The following RAB30 variants were observed in gnomAD, a reference collection of about 807,000 sequenced individuals.
RAB30 encodes RAB30, member RAS oncogene family, also known as ras-related protein Rab-30.
Under a neutral mutation model 25.1 loss-of-function variants are expected in RAB30, and 9 were observed. The ratio of observed to expected loss-of-function variants is 0.36; its 90% CI spans 0.22 to 0.63. The LOEUF is 0.63. Among genes scored for constraint, RAB30 ranks in the 20% least tolerant of loss-of-function variants. RAB30 has a pLI of 0.69. For synonymous variants in RAB30, 77 were observed against 86.4 expected (o/e 0.89, Z 0.60); for missense variants, 140 against 243.5 (o/e 0.58, Z 2.83).
intron 3 of RAB30, among the ~76,000 whole-genome samples, chr11:82,990,719 T>A (rs1490255952): frequency 6.6e-6 from 1 of 152,360 alleles, no homozygotes; most frequent in Admixed American, 6.5e-5. Flanking sequence ...TACTCATTAA[T>A]TTATAATAGA....
At chr11:83,045,259 A>G (rs1328769109) in intron 1 of RAB30, among the ~76,000 whole-genome samples, 1 of 152,084 alleles carries the variant, frequency 6.6e-6, no homozygotes, top group African/African-American at 2.4e-5. Context: ...CAGCCTCCCA[A>G]GCAACTGAAA....
At chr11:83,064,012 C>T (rs1465407531) in intron 1 of RAB30, among the ~76,000 whole-genome samples, 1 of 152,178 alleles carries the variant, frequency 6.6e-6, no homozygotes, top group African/African-American at 2.4e-5. Flanking sequence ...GAAGAATACA[C>T]ATCAAAATCT....
chr11:83,041,193 C>CT (rs5793048), intron 1 of RAB30: 32,085 of 149,396 alleles, frequency 0.21, 3,980 homozygotes, highest in Admixed American at 0.28. Context: ...GAAACTCTGT[C>CT]TCAAAAAAAA....
At chr11:83,031,876 G>A (rs1001115122) in intron 1 of RAB30, among the ~76,000 whole-genome samples, 3 of 152,148 alleles carry the variant, frequency 2.0e-5, no homozygotes, top group African/African-American at 4.8e-5. Context: ...AAACTTAGTC[G>A]AGGTTCTTTT....
chr11:83,001,042 G>A lies in RAB30; in HGVS notation c.-8-3718C>T, dbSNP rs1857070788. Among the ~76,000 whole-genome samples the A allele has an allele frequency of 3.8e-5, 3 of 78,800 alleles. No individual in the cohort carries two copies. The South Asian group carries it at 1.5e-3, about 40-fold the overall frequency. The allele number at this position is 78,800 out of a possible 152,430, so 51.7% of individuals were successfully genotyped here. The stretch of plus-strand genomic sequence containing the variant: ...CGCCTGGGCGACAGAACGAGACTCC[G>A]TCTCAAAAAAAAAAAAAAAAAAAAA... On this transcript the variant is annotated intron_variant, in intron 1 of 4. Transcript: ENST00000527633.
intron 1 of RAB30, among the ~76,000 whole-genome samples, chr11:83,007,398 T>C (rs7924342): frequency 0.016 from 2,504 of 152,346 alleles, 84 homozygotes; most frequent in African/African-American, 0.058. Flanking sequence ...TCCATAATAC[T>C]ATTTTCAAAA....
intron 1 of RAB30, among the ~76,000 whole-genome samples, chr11:83,011,090 TTTATTTTTGAAGTTTG>T (rs1285386745): frequency 6.6e-6 from 1 of 152,226 alleles, no homozygotes; most frequent in African/African-American, 2.4e-5. Flanking sequence ...ACAGAGACCT[TTTATTTTTGAAGTTTG>T]TTATTTTTTA....
intron 1 of RAB30, among the ~76,000 whole-genome samples, chr11:83,019,941 CAG>C (rs1857528810): frequency 6.6e-6 from 1 of 152,220 alleles, no homozygotes; most frequent in South Asian, 2.1e-4. Context: ...CTACTGATGA[CAG>C]TGGTGAGCTG....
At chr11:83,004,006 C>T (rs1331402692) in intron 1 of RAB30, among the ~76,000 whole-genome samples, 1 of 152,034 alleles carries the variant, frequency 6.6e-6, no homozygotes, top group Non-Finnish European at 1.5e-5. Flanking sequence ...ATACTATCAC[C>T]CAATCTTGGA....
intron 1 of RAB30, among the ~76,000 whole-genome samples, chr11:83,013,170 G>A (rs575333367): frequency 6.6e-5 from 10 of 151,882 alleles, no homozygotes; most frequent in Non-Finnish European, 1.2e-4. Context: ...TGCAACCTCC[G>A]CCTCCTGGGT....
At chr11:83,037,257 AT>A (rs890342570) in intron 1 of RAB30, among the ~76,000 whole-genome samples, 12 of 150,320 alleles carry the variant, frequency 8.0e-5, no homozygotes, top group East Asian at 1.9e-4. Flanking sequence ...AGACAAACGA[AT>A]TTTTTTTTTG....
chr11:82,994,024 T>C lies in RAB30; in HGVS notation c.177+15A>G. ...CATAGCACCTGACAACCTTAGTGAATATTTAGCACCTTACCTTTACTTTTT... is the reference window on the plus strand; with the variant it reads ...CATAGCACCTGACAACCTTAGTGAACATTTAGCACCTTACCTTTACTTTTT... On this transcript the variant is annotated intron_variant, in intron 3 of 4. Transcript: ENST00000527633. The C allele has an allele frequency of 6.4e-7, 1 of 1,572,578 alleles. No homozygotes were observed. The highest frequency in any genetic ancestry group is 8.8e-7 in the Non-Finnish European group (1 of 1,142,852).
chr11:83,017,175 C>T (rs909784047), intron 1 of RAB30, among the ~76,000 whole-genome samples: 2 of 151,896 alleles, frequency 1.3e-5, no homozygotes, highest in Non-Finnish European at 2.9e-5. Context: ...TAAGTTCCCA[C>T]AAAAAATACA....
At chr11:83,012,176 C>A (rs1327962768) in intron 1 of RAB30, among the ~76,000 whole-genome samples, 2 of 152,184 alleles carry the variant, frequency 1.3e-5, no homozygotes, top group Admixed American at 6.5e-5. Context: ...GTTGGACTGC[C>A]TAAGATGTGG....
chr11:83,031,078 C>G (rs187835711), intron 1 of RAB30, among the ~76,000 whole-genome samples: 88 of 152,322 alleles, frequency 5.8e-4, no homozygotes, highest in Non-Finnish European at 1.1e-3. Context: ...GGAAAGAGGG[C>G]AGCCATCTGC....
chr11:82,987,821 A>G lies in RAB30; in HGVS notation c.178-51T>C, dbSNP rs779425926. The G allele has an allele frequency of 2.3e-6, 3 of 1,281,490 alleles. No individual in the cohort carries two copies. The South Asian group carries it at 5.8e-5, about 25-fold the overall frequency. 79.4% of individuals were successfully genotyped at this position (1,281,490 alleles called of 1,614,324 possible). ...GGTGAAGAAGGATCAGGTTGGAGAA[A>G]AAAAGAAAAAAAAAGCTTTGCCTTG... is the stretch of plus-strand genomic sequence containing the variant. On this transcript the variant is annotated intron_variant, in intron 3 of 4. Coordinates refer to ENST00000527633, the MANE Select transcript of RAB30 (RefSeq NM_001286060.2).
At chr11:82,982,811 G>A (rs1023666748) in intron 4 of RAB30, among the ~76,000 whole-genome samples, 25 of 152,120 alleles carry the variant, frequency 1.6e-4, no homozygotes, top group East Asian at 5.8e-4. Context: ...GCAGTGAGTC[G>A]AGATCATGCC....
chr11:83,040,131 A>G (rs538274886), intron 1 of RAB30, among the ~76,000 whole-genome samples: 1 of 152,340 alleles, frequency 6.6e-6, no homozygotes, highest in Non-Finnish European at 1.5e-5. Flanking sequence ...CAGCACGTCA[A>G]GAGGGAATAG....
chr11:83,011,717 C>A (rs565294354), intron 1 of RAB30, among the ~76,000 whole-genome samples: 2 of 152,218 alleles, frequency 1.3e-5, no homozygotes, highest in Middle Eastern at 3.2e-3. Flanking sequence ...CTTTACATTT[C>A]TCATACCCTT....
Sources: allele counts gnomAD v4.1 joint callset (sites outside exome capture counted in the v4.1 genomes callset), GRCh38; gene constraint gnomAD v4.1.1; transcripts MANE v1.5; gene names NCBI Gene and HGNC (gene_info 2026-07-23, HGNC 2026-07-21).